Variants in ZNF644 observed in about 807,000 individuals in gnomAD.
The protein encoded by ZNF644 is zinc finger protein 644.
ZNF644 carries 20 observed loss-of-function variants against 108.0 expected under a neutral mutation model. That is an observed-to-expected ratio of 0.19 (90% CI 0.13 to 0.27). ZNF644 has a LOEUF of 0.27. Ranked by LOEUF, ZNF644 falls within the 10% of genes least tolerant of loss-of-function variation. The pLI, the probability that ZNF644 is intolerant of heterozygous loss-of-function variation, is 1.00. For missense variants in ZNF644, 1,338 were observed against 1,548.9 expected (o/e 0.86, Z 2.29); for synonymous variants, 542 against 539.1 (o/e 1.01, Z -0.08).
chr1:90,991,102 A>G (rs1338630064), intron 1 of ZNF644, among the ~76,000 whole-genome samples: 2 of 152,232 alleles, frequency 1.3e-5, no homozygotes, highest in Non-Finnish European at 2.9e-5. Context: ...ATAATAAAAC[A>G]ACCCAATTAC....
intron 2 of ZNF644, among the ~76,000 whole-genome samples, chr1:90,981,941 A>G (rs577383652): frequency 8.5e-5 from 13 of 152,232 alleles, no homozygotes; most frequent in African/African-American, 2.9e-4. Context: ...TACTTTATCA[A>G]CAAAGGAGAG....
chr1:90,979,392 G>T (rs1656329398), intron 2 of ZNF644, among the ~76,000 whole-genome samples: 1 of 152,136 alleles, frequency 6.6e-6, no homozygotes, highest in African/African-American at 2.4e-5. Flanking sequence ...AGAATTGCTT[G>T]AACCTGGGAG....
At chr1:91,005,744 A>C (rs1659355695) in intron 1 of ZNF644, among the ~76,000 whole-genome samples, 3 of 152,190 alleles carry the variant, frequency 2.0e-5, no homozygotes, top group Admixed American at 6.5e-5. Flanking sequence ...AAAACACAAC[A>C]TACTAAAACT....
Position 91,014,411 on chromosome 1 carries a change from AG to A in ZNF644, c.-18+7578del, listed in dbSNP as rs1448016538. On this transcript the variant is annotated intron_variant, in intron 1 of 5. Transcript: ENST00000337393. ...TAATATCCCTTTAAGATTTTTAACA[AG>A]GAAGTGTAAGGCATTTCAAAGTGTT... Among the ~76,000 whole-genome samples, 4 of 152,298 alleles carry A rather than the reference AG, an allele frequency of 2.6e-5. No homozygotes were observed. The East Asian group carries it at 7.7e-4, about 29-fold the overall frequency.
At chr1:90,942,215 ATATG>A (rs1652064003) in intron 2 of ZNF644, among the ~76,000 whole-genome samples, 3 of 152,200 alleles carry the variant, frequency 2.0e-5, no homozygotes, top group African/African-American at 7.2e-5. Context: ...TAGCATAAAC[ATATG>A]TTTTAAATTT....
At chr1:90,994,269 T>A (rs1355771617) in intron 1 of ZNF644, among the ~76,000 whole-genome samples, 1 of 152,140 alleles carries the variant, frequency 6.6e-6, no homozygotes, top group Non-Finnish European at 1.5e-5. Flanking sequence ...AATAAAGACA[T>A]CATCCTATAG....
chr1:90,949,526 TAAC>T (rs1344916347), intron 2 of ZNF644, among the ~76,000 whole-genome samples: 2 of 152,150 alleles, frequency 1.3e-5, no homozygotes, highest in Admixed American at 1.3e-4. Flanking sequence ...ATTATTGTCT[TAAC>T]AAAAATATAC....
chr1:90,989,662 A>C (rs1487429712), intron 1 of ZNF644, among the ~76,000 whole-genome samples: 2 of 152,244 alleles, frequency 1.3e-5, no homozygotes, highest in Non-Finnish European at 2.9e-5. Context: ...AAAACCCAGG[A>C]AATAACAAGT....
intron 1 of ZNF644, among the ~76,000 whole-genome samples, chr1:91,011,562 T>C (rs1270171101): frequency 6.6e-6 from 1 of 152,136 alleles, no homozygotes; most frequent in African/African-American, 2.4e-5. Context: ...ATGCTACAAC[T>C]ATTAATTCCA....
intron 1 of ZNF644, among the ~76,000 whole-genome samples, chr1:91,005,067 C>G (rs1206097651): frequency 6.6e-6 from 1 of 151,966 alleles, no homozygotes; most frequent in Non-Finnish European, 1.5e-5. Flanking sequence ...AAAACATAAT[C>G]CAACTATAAC....
intron 4 of ZNF644, among the ~76,000 whole-genome samples, chr1:90,925,127 G>T (rs927364430): frequency 6.6e-6 from 1 of 152,176 alleles, no homozygotes; most frequent in Non-Finnish European, 1.5e-5. Flanking sequence ...AGTCAGCTAT[G>T]CACAGTATGC....
intron 1 of ZNF644, among the ~76,000 whole-genome samples, chr1:90,999,516 T>C (rs140765594): frequency 6.6e-6 from 1 of 151,886 alleles, no homozygotes; most frequent in Non-Finnish European, 1.5e-5. Context: ...CCACCAGGCC[T>C]GTCAACAGCT....
chr1:90,989,353 A>G (rs1657412676), intron 1 of ZNF644, among the ~76,000 whole-genome samples: 2 of 151,852 alleles, frequency 1.3e-5, no homozygotes, highest in Non-Finnish European at 2.9e-5. Context: ...GTTTGAGACT[A>G]GCCTGGGCAA....
chr1:90,917,605 C>T (rs1026400693), intron 5 of ZNF644, among the ~76,000 whole-genome samples: 5 of 152,144 alleles, frequency 3.3e-5, no homozygotes, highest in African/African-American at 4.8e-5. Context: ...TCAAGCAATT[C>T]TCCTGCCTCA....
chr1:90,953,302 T>G (rs2101061847), intron 2 of ZNF644, among the ~76,000 whole-genome samples: 1 of 150,734 alleles, frequency 6.6e-6, no homozygotes, highest in Non-Finnish European at 1.5e-5. Context: ...GCCACCATTT[T>G]TTTTTTTTTT....
Position 90,937,864 on chromosome 1 carries a change from G to A in ZNF644, c.3309C>T (p.Pro1103=). The change falls in exon 4 of 6, where the codon CCC becomes CCT. Residue 1103 remains proline (P), a synonymous_variant. Coordinates refer to ENST00000337393, the MANE Select transcript of ZNF644 (RefSeq NM_201269.3). ...CAAGTTTTTGAGCTACAAATGGTCT[G>A]GGAATAATACGACGACTGTTCAATG... The part of the protein sequence containing the change: ...LKALNSRRII[P]RPFVAQKLAS... The A allele has an allele frequency of 2.5e-6, 4 of 1,613,850 alleles. No individual in the cohort carries two copies. Among genetic ancestry groups the A allele is most frequent in the Non-Finnish European group, 2.5e-6 (3 of 1,179,860 alleles).
chr1:90,964,380 A>G (rs971904108), intron 2 of ZNF644, among the ~76,000 whole-genome samples: 2 of 152,164 alleles, frequency 1.3e-5, no homozygotes, highest in African/African-American at 2.4e-5. Flanking sequence ...AGAATGATAA[A>G]TGACACCTGA....
chr1:91,014,997 G>C (rs988198347), intron 1 of ZNF644, among the ~76,000 whole-genome samples: 11 of 152,106 alleles, frequency 7.2e-5, no homozygotes, highest in Non-Finnish European at 2.9e-5. Context: ...AAAGAATATA[G>C]TAGATGCTTA....
chr1:90,980,845 C>T (rs560713378), intron 2 of ZNF644, among the ~76,000 whole-genome samples: 44 of 152,118 alleles, frequency 2.9e-4, no homozygotes, highest in Non-Finnish European at 6.0e-4. Context: ...AAGGAACTTT[C>T]CAAAGTAATG....
Sources: allele counts gnomAD v4.1 joint callset (sites outside exome capture counted in the v4.1 genomes callset), GRCh38; gene constraint gnomAD v4.1.1; transcripts MANE v1.5; gene names NCBI Gene and HGNC (gene_info 2026-07-23, HGNC 2026-07-21).